The following PRRX2 variants were observed in gnomAD, a reference collection of about 807,000 sequenced individuals.
PRRX2 encodes the protein paired related homeobox 2, also known as paired mesoderm homeobox protein 2.
Under a neutral mutation model 18.0 loss-of-function variants are expected in PRRX2, and 11 were observed. The observed-to-expected ratio is 0.61, with a 90% CI of 0.39 to 1.01. The LOEUF (loss-of-function observed/expected upper bound fraction) is 1.01, where lower values mean the gene tolerates loss of function less well. Among genes scored for constraint, PRRX2 ranks in the 50% least tolerant of loss-of-function variants. PRRX2 has a pLI of 0.01. For missense variants in PRRX2, 387 were observed against 351.0 expected (o/e 1.10, Z -0.82); for synonymous variants, 177 against 154.8 (o/e 1.14, Z -1.06).
chr9:129,686,206 T>C (rs1378851966), intron 1 of PRRX2, among the ~76,000 whole-genome samples: 5 of 152,078 alleles, frequency 3.3e-5, no homozygotes, highest in Non-Finnish European at 5.9e-5. Context: ...TGGGCTGGCA[T>C]GTAGGCTCCC....
At chr9:129,710,123 G>A (rs748691822) in intron 1 of PRRX2, among the ~76,000 whole-genome samples, 33 of 152,170 alleles carry the variant, frequency 2.2e-4, no homozygotes, top group Non-Finnish European at 5.9e-5. Flanking sequence ...AGGCATCTCT[G>A]CTGAGACCTG....
In PRRX2 at chr9:129,695,007, G is replaced by A. The variant is rs1326969823; in HGVS notation, c.260-24224G>A. On this transcript the variant is annotated intron_variant, in intron 1 of 3. Transcript: ENST00000372469. This position sits in a 1 kb window ranked among gnomAD's most constrained non-coding sequence, Gnocchi z 4.8. ...AGGGCTCACCATGGAGGAGGAATGG[G>A]GCGAGCTGCAGGCTGGCTCAGAGGG... Among the ~76,000 whole-genome samples the A allele has an allele frequency of 6.6e-6, 1 of 152,130 alleles. No individual in the cohort carries two copies. Among genetic ancestry groups the A allele is most frequent in the Non-Finnish European group, 1.5e-5 (1 of 68,020 alleles).
In PRRX2 at chr9:129,715,279, G is replaced by C. The variant is rs1159679447; in HGVS notation, c.260-3952G>C. ...TTGGACAAGATAATTCATTGACGTG[G>C]GGGCCTGTCCTGTGTCTTGAAAGAT... On this transcript the variant is annotated intron_variant, in intron 1 of 3. Coordinates refer to ENST00000372469, the MANE Select transcript of PRRX2 (RefSeq NM_016307.4). This position sits in a 1 kb window ranked among gnomAD's most constrained non-coding sequence, Gnocchi z 4.0. Among the ~76,000 whole-genome samples the C allele has an allele frequency of 6.6e-6, 1 of 152,130 alleles. No homozygotes were observed. The highest frequency in any genetic ancestry group is 1.5e-5 in the Non-Finnish European group (1 of 68,014).
chr9:129,686,788 G>A (rs1156647518), intron 1 of PRRX2, among the ~76,000 whole-genome samples: 1 of 152,130 alleles, frequency 6.6e-6, no homozygotes, highest in Admixed American at 6.5e-5. Context: ...CCTCACCACC[G>A]GCCGCCCCTC....
Position 129,695,980 on chromosome 9 carries a change from C to T in PRRX2, c.260-23251C>T, listed in dbSNP as rs1234709647. Among the ~76,000 whole-genome samples, 3 of 151,954 alleles carry T rather than the reference C, an allele frequency of 2.0e-5. No homozygotes were observed. Among genetic ancestry groups the T allele is most frequent in the Non-Finnish European group, 4.4e-5 (3 of 68,024 alleles). On this transcript the variant is annotated intron_variant, in intron 1 of 3. Coordinates refer to ENST00000372469, the MANE Select transcript of PRRX2 (RefSeq NM_016307.4). This position sits in a 1 kb window ranked among gnomAD's most constrained non-coding sequence, Gnocchi z 4.8. ...CCTTATAAAGCCCCCTCTGAGAAGG[C>T]GGAAAGCTGAAGTTTAATCTGGAGC...
At chr9:129,697,342 C>A (rs984453708) in intron 1 of PRRX2, among the ~76,000 whole-genome samples, 11 of 152,052 alleles carry the variant, frequency 7.2e-5, no homozygotes, top group African/African-American at 2.7e-4. Flanking sequence ...CTAGGCCGTG[C>A]CCCCTCCCGC....
chr9:129,686,111 C>T (rs1588165576), intron 1 of PRRX2, among the ~76,000 whole-genome samples: 1 of 152,164 alleles, frequency 6.6e-6, no homozygotes, highest in Non-Finnish European at 1.5e-5. Flanking sequence ...ATAAGGAAGG[C>T]CAGGATGGCT....
Position 129,698,520 on chromosome 9 carries a change from T to G in PRRX2, c.260-20711T>G, listed in dbSNP as rs575542400. On this transcript the variant is annotated intron_variant, in intron 1 of 3. Coordinates refer to ENST00000372469, the MANE Select transcript of PRRX2 (RefSeq NM_016307.4). Reference sequence around the variant, plus strand: ...CGGGTTTTTCCCGCCACGCCTGCCTTCCTTGTTCCGGAAAAGGGGAGCTGG... The same window carrying G: ...CGGGTTTTTCCCGCCACGCCTGCCTGCCTTGTTCCGGAAAAGGGGAGCTGG... 9.2e-5 allele frequency among the ~76,000 whole-genome samples: 14 copies of G among 152,250 alleles called. No individual in the cohort carries two copies. In the South Asian group the frequency reaches 1.9e-3, roughly 20 times the overall value.
Position 129,722,492 on chromosome 9 carries a change from G to A in PRRX2, c.*140G>A. On this transcript the variant is annotated 3_prime_UTR_variant, in exon 4 of 4. Transcript: ENST00000372469. ...CCTGGACTCCCGAGCCCACGAGGCT[G>A]TTGAGGCCCCTGCAGCCGGGCCCAG... 4 of 975,314 alleles carry A rather than the reference G, an allele frequency of 4.1e-6. No individual in the cohort carries two copies. The highest frequency in any genetic ancestry group is 4.9e-5 in the South Asian group (1 of 20,296). 60.4% of individuals were successfully genotyped at this position (975,314 alleles called of 1,614,324 possible).
intron 1 of PRRX2, among the ~76,000 whole-genome samples, chr9:129,697,778 C>G (rs560911865): frequency 6.6e-6 from 1 of 152,114 alleles, no homozygotes; most frequent in Non-Finnish European, 1.5e-5. Flanking sequence ...TGCCCCCCTG[C>G]TAGCGCCCCC....
At chr9:129,666,846 A>T (rs1255476871) in intron 1 of PRRX2, among the ~76,000 whole-genome samples, 1 of 152,200 alleles carries the variant, frequency 6.6e-6, no homozygotes, top group Non-Finnish European at 1.5e-5. Flanking sequence ...CTCGCGGCTC[A>T]GCACACACTA....
At chr9:129,708,126 C>G (rs566211615) in intron 1 of PRRX2, among the ~76,000 whole-genome samples, 1 of 152,216 alleles carries the variant, frequency 6.6e-6, no homozygotes, top group African/African-American at 2.4e-5. Context: ...ACCTCCACCT[C>G]CCAGGTTCAA....
At chr9:129,673,595 G>A (rs1832125887) in intron 1 of PRRX2, among the ~76,000 whole-genome samples, 1 of 151,886 alleles carries the variant, frequency 6.6e-6, no homozygotes, top group Non-Finnish European at 1.5e-5. Flanking sequence ...GAACCACATG[G>A]TCTGGCTTTC....
intron 1 of PRRX2, among the ~76,000 whole-genome samples, chr9:129,699,888 G>T (rs1462232882): frequency 3.3e-5 from 5 of 152,198 alleles, no homozygotes; most frequent in African/African-American, 1.2e-4. Context: ...AGCTGTTCAG[G>T]AGAGAGACCT....
At chr9:129,697,435 T>C (rs1266104527) in intron 1 of PRRX2, among the ~76,000 whole-genome samples, 1 of 151,350 alleles carries the variant, frequency 6.6e-6, no homozygotes, top group Non-Finnish European at 1.5e-5. Context: ...TATTAACGTC[T>C]GTGTGTCTGG....
Position 129,720,736 on chromosome 9 carries a change from T to C in PRRX2, c.588T>C (p.Ser196=), listed in dbSNP as rs1406952985. Reference sequence around the variant, plus strand: ...TGGCTCCCCGGCCCACCGCCCTGAGTCCAGATTATCTCTCCTGGACAGCCT... The same window carrying C: ...TGGCTCCCCGGCCCACCGCCCTGAGCCCAGATTATCTCTCCTGGACAGCCT... ...QPVAPRPTAL[S]PDYLSWTASS... Residue 196 remains serine (S), a synonymous_variant, in exon 3 of 4, where the codon AGT becomes AGC. Transcript: ENST00000372469. 1 of 1,610,798 alleles carries C rather than the reference T, an allele frequency of 6.2e-7. No individual in the cohort carries two copies. Among genetic ancestry groups the C allele is most frequent in the South Asian group, 1.1e-5 (1 of 90,674 alleles).
rs567021585 is a variant in PRRX2 at position 129,706,297 on chromosome 9, T to TAAAAAA, written c.260-12934_260-12933insAAAAAA. Among the ~76,000 whole-genome samples the TAAAAAA allele has an allele frequency of 3.5e-3, 511 of 148,060 alleles. 18 individuals carry two copies. In the East Asian group the frequency reaches 0.066, roughly 19 times the overall value. Reference sequence around the variant, plus strand: ...TCCCATCTCTACACAAAAATTTTTTTTTCCCAGGCGCGGTGGCTCACACCT... The same window carrying TAAAAAA: ...TCCCATCTCTACACAAAAATTTTTTTAAAAAATTCCCAGGCGCGGTGGCTCACACCT... On this transcript the variant is annotated intron_variant, in intron 1 of 3. Transcript: ENST00000372469.
rs1832588682 is a variant in PRRX2, at chr9:129,709,064, G to T, written c.260-10167G>T. Among the ~76,000 whole-genome samples, 1 of 152,208 alleles carries T rather than the reference G, an allele frequency of 6.6e-6. No individual in the cohort carries two copies. Among genetic ancestry groups the T allele is most frequent in the African/African-American group, 2.4e-5 (1 of 41,458 alleles). Reference sequence around the variant, plus strand: ...CTGCGCTTGTATGGGAGCCGGGAAGGCCTCTCAGGGCTGGGCATGTAGGCT... The same window carrying T: ...CTGCGCTTGTATGGGAGCCGGGAAGTCCTCTCAGGGCTGGGCATGTAGGCT... On this transcript the variant is annotated intron_variant, in intron 1 of 3. Coordinates refer to ENST00000372469, the MANE Select transcript of PRRX2 (RefSeq NM_016307.4). This position sits in a 1 kb window ranked among gnomAD's most constrained non-coding sequence, Gnocchi z 4.2.
At position 129,719,323 on chromosome 9, in the gene PRRX2, G is replaced by T. The variant is rs1234324659; in HGVS notation, c.352G>T (p.Ala118Ser). 1.2e-6 allele frequency: 2 copies of T among 1,607,252 alleles called. No individual in the cohort carries two copies. The highest frequency in any genetic ancestry group is 3.4e-5 in the Admixed American group (2 of 59,232). The change falls in exon 2 of 4, where the codon GCG becomes TCG. Residue 118 changes from alanine to serine, a missense_variant. Coordinates refer to ENST00000372469, the MANE Select transcript of PRRX2 (RefSeq NM_016307.4). ...RTTFNSSQLQ[A>S]LERVFERTHY... ...CACGTTCAACAGCAGCCAACTGCAG[G>T]CGCTGGAGCGCGTGTTCGAGCGCAC...
Sources: gnomAD v4.1 joint callset for allele counts (sites outside exome capture counted in the v4.1 genomes callset) on GRCh38, gnomAD v4.1.1 for gene constraint, Gnocchi (gnomAD v3.1) non-coding constraint, MANE v1.5 for transcripts, NCBI Gene and HGNC (gene_info 2026-07-23, HGNC 2026-07-21) for gene names.